NAP1L4: variants seen among roughly 807,000 people sequenced by gnomAD.
NAP1L4 encodes nucleosome assembly protein 1 like 4.
In NAP1L4, 15 loss-of-function variants were observed where a neutral mutation model predicts 58.2. The ratio of observed to expected loss-of-function variants is 0.26; its 90% CI spans 0.17 to 0.40. The LOEUF (loss-of-function observed/expected upper bound fraction) is 0.40, where lower values mean the gene tolerates loss of function less well. Ranked by LOEUF, NAP1L4 falls within the 10% of genes least tolerant of loss-of-function variation. The pLI is 1.00. For missense variants in NAP1L4, 384 were observed against 451.1 expected (o/e 0.85, Z 1.35); for synonymous variants, 171 against 155.6 (o/e 1.10, Z -0.74).
chr11:2,978,211 C>A, intron 3 of NAP1L4, 73 bp downstream of exon 3: 2 of 1,419,334 alleles, frequency 1.4e-6, no homozygotes, highest in South Asian at 2.4e-5. Flanking sequence ...CCTTTACTTG[C>A]ATTAATAAAT....
At chr11:2,966,191 T>C (rs781721087) in intron 7 of NAP1L4, among the ~76,000 whole-genome samples, 2 of 152,346 alleles carry the variant, frequency 1.3e-5, no homozygotes, top group South Asian at 2.1e-4. Context: ...TTTAGTTGTA[T>C]GTAATAATTG....
At chr11:2,968,543 T>G (rs974094525) in intron 7 of NAP1L4, among the ~76,000 whole-genome samples, 3 of 152,228 alleles carry the variant, frequency 2.0e-5, no homozygotes, top group African/African-American at 7.2e-5. Flanking sequence ...TTCCATCTTT[T>G]CTCAAGTTTT....
chr11:2,948,126 C>A lies in NAP1L4; in HGVS notation c.*32+1101G>T, dbSNP rs1846036641. Reference sequence around the variant, plus strand: ...GCTAAGTTCTTCAGACATGCGGGGACAACAGGAATTAATGGCAGCTAGACA... The same window carrying A: ...GCTAAGTTCTTCAGACATGCGGGGAAAACAGGAATTAATGGCAGCTAGACA... On this transcript the variant is annotated intron_variant, in intron 15 of 15. Coordinates refer to ENST00000380542, the MANE Select transcript of NAP1L4 (RefSeq NM_005969.4). This position sits in a 1 kb window ranked among gnomAD's most constrained non-coding sequence, Gnocchi z 5.1. 6.6e-6 allele frequency among the ~76,000 whole-genome samples: 1 copy of A among 152,150 alleles called. No homozygotes were observed. Among genetic ancestry groups the A allele is most frequent in the South Asian group, 2.1e-4 (1 of 4,836 alleles).
chr11:2,957,573 C>G (rs1846617313), intron 10 of NAP1L4, among the ~76,000 whole-genome samples: 1 of 152,170 alleles, frequency 6.6e-6, no homozygotes, highest in South Asian at 2.1e-4. Context: ...TTCATGGAAA[C>G]TAAAGAGAAT....
chr11:2,956,492 T>G (rs1449923614), intron 10 of NAP1L4, among the ~76,000 whole-genome samples: 1 of 152,246 alleles, frequency 6.6e-6, no homozygotes, highest in Non-Finnish European at 1.5e-5. Context: ...ACCTGCCTTT[T>G]CAATCTTCAC....
chr11:2,964,537 G>A (rs1847143638), intron 8 of NAP1L4, 143 bp downstream of exon 8: 2 of 645,138 alleles, frequency 3.1e-6, no homozygotes, highest in Non-Finnish European at 5.5e-6. Flanking sequence ...TCTAACTCTT[G>A]GAGAGCAGTC....
chr11:2,948,298 G>A lies in NAP1L4; in HGVS notation c.*32+929C>T, dbSNP rs910133111. Among the ~76,000 whole-genome samples the A allele has an allele frequency of 6.6e-6, 1 of 152,126 alleles. No homozygotes were observed. The highest frequency in any genetic ancestry group is 2.4e-5 in the African/African-American group (1 of 41,420). ...GGAGGCGGTGGCGCTAAGACCTCAA[G>A]GACGTCTGGTCTATGGGCTGCCAGG... On this transcript the variant is annotated intron_variant, in intron 15 of 15. Transcript: ENST00000380542. This position sits in a 1 kb window ranked among gnomAD's most constrained non-coding sequence, Gnocchi z 5.1.
chr11:2,960,050 C>T (rs748056398), intron 8 of NAP1L4, 141 bp from the exon 9 acceptor site: 24 of 823,908 alleles, frequency 2.9e-5, no homozygotes, highest in East Asian at 1.3e-4. Flanking sequence ...ACTTCTCCAC[C>T]GCAAAAAAGA....
chr11:2,950,367 G>C (rs1310354743), intron 14 of NAP1L4, among the ~76,000 whole-genome samples: 2 of 152,174 alleles, frequency 1.3e-5, no homozygotes, highest in African/African-American at 4.8e-5. Context: ...TGCATTCATG[G>C]AAACAGCCAG....
intron 10 of NAP1L4, among the ~76,000 whole-genome samples, chr11:2,957,474 G>C (rs1275020541): frequency 6.6e-6 from 1 of 152,192 alleles, no homozygotes; most frequent in Non-Finnish European, 1.5e-5. Context: ...CTGGAGAAGA[G>C]ATCCGCCCTG....
At chr11:2,962,877 G>A (rs1380408452) in intron 8 of NAP1L4, among the ~76,000 whole-genome samples, 6 of 151,956 alleles carry the variant, frequency 3.9e-5, no homozygotes, top group Admixed American at 3.3e-4. Flanking sequence ...TGAGGCGGGT[G>A]GATCACGAGG....
intron 7 of NAP1L4, among the ~76,000 whole-genome samples, chr11:2,967,248 T>C (rs1437473616): frequency 2.0e-5 from 3 of 152,110 alleles, no homozygotes; most frequent in South Asian, 2.1e-4. Context: ...CTGGGCATCA[T>C]AGCAAGACCA....
At position 2,969,859 on chromosome 11, in the gene NAP1L4, G is replaced by C. The variant is rs541621856; in HGVS notation, c.478C>G (p.Pro160Ala). The C allele has an allele frequency of 6.2e-7, 1 of 1,613,840 alleles. No individual in the cohort carries two copies. Among genetic ancestry groups the C allele is most frequent in the African/African-American group, 1.3e-5 (1 of 75,026 alleles). The change falls in exon 7 of 16, where the codon CCA becomes GCA. Residue 160 changes from proline to alanine, a missense_variant. Pro to Ala is a conservative substitution (Grantham distance 27). Transcript: ENST00000380542. ...TAEEPDPKGI[P>A]EFWFTIFRNV... is the part of the protein sequence containing the mutation. ...CTGAAGATGGTAAACCAGAACTCTG[G>C]AATTCCTTTGGGATCTGGCTCTTCA...
intron 8 of NAP1L4, chr11:2,963,966 A>C: frequency 2.0e-6 from 1 of 506,536 alleles, no homozygotes; most frequent in Non-Finnish European, 4.0e-6. Flanking sequence ...TCCTCAGATA[A>C]AAGTAAGGGC....
chr11:2,958,821 T>C, intron 9 of NAP1L4: 1 of 414,976 alleles, frequency 2.4e-6, no homozygotes, highest in Non-Finnish European at 4.3e-6. Flanking sequence ...CTGAAATGTA[T>C]ATTCTGTGGC....
At chr11:2,966,217 A>G (rs1054345029) in intron 7 of NAP1L4, among the ~76,000 whole-genome samples, 1 of 152,248 alleles carries the variant, frequency 6.6e-6, no homozygotes, top group African/African-American at 2.4e-5. Flanking sequence ...TTTATGGGAC[A>G]CAGTGACATT....
At position 2,951,379 on chromosome 11, in the gene NAP1L4, C is replaced by G; in HGVS notation, c.1066-64G>C. 7.0e-7 allele frequency: 1 copy of G among 1,437,888 alleles called. No individual in the cohort carries two copies. 89.1% of individuals were successfully genotyped at this position (1,437,888 alleles called of 1,614,324 possible). A position where few individuals can be genotyped will look rare whatever the true frequency, so the allele number is the denominator to read the frequency against. ...TTTAAACTCTTGTGGCATTCACAAT[C>G]CACAAACACAAGGAGCAAAACACTG... On this transcript the variant is annotated intron_variant, in intron 13 of 15. Coordinates refer to ENST00000380542, the MANE Select transcript of NAP1L4 (RefSeq NM_005969.4). This position sits in a 1 kb window ranked among gnomAD's most constrained non-coding sequence, Gnocchi z 4.0.
chr11:2,969,135 C>T (rs924269032), intron 7 of NAP1L4, among the ~76,000 whole-genome samples: 8 of 151,766 alleles, frequency 5.3e-5, no homozygotes, highest in African/African-American at 1.7e-4. Context: ...GGACCACAGG[C>T]GCACACCACA....
rs1183053329 is a variant in NAP1L4 at position 2,951,361 on chromosome 11, T to C, written c.1066-46A>G. The C allele has an allele frequency of 6.5e-7, 1 of 1,539,958 alleles. No individual in the cohort carries two copies. The highest frequency in any genetic ancestry group is 9.0e-7 in the Non-Finnish European group (1 of 1,113,502). On this transcript the variant is annotated intron_variant, in intron 13 of 15. Coordinates refer to ENST00000380542, the MANE Select transcript of NAP1L4 (RefSeq NM_005969.4). This position sits in a 1 kb window ranked among gnomAD's most constrained non-coding sequence, Gnocchi z 4.0. ...TTAGCTGGAATGACAAGATTTAAACTCTTGTGGCATTCACAATCCACAAAC... is the reference window on the plus strand; with the variant it reads ...TTAGCTGGAATGACAAGATTTAAACCCTTGTGGCATTCACAATCCACAAAC...
Sources: allele counts gnomAD v4.1 joint callset (sites outside exome capture counted in the v4.1 genomes callset), GRCh38; gene constraint gnomAD v4.1.1; non-coding constraint Gnocchi (gnomAD v3.1); transcripts MANE v1.5; gene names NCBI Gene and HGNC (gene_info 2026-07-23, HGNC 2026-07-21).